Variants in FAM178B observed in about 807,000 individuals in gnomAD.
FAM178B encodes the protein family with sequence similarity 178 member B.
In FAM178B, 82 loss-of-function variants were observed where a neutral mutation model predicts 91.7. That is an observed-to-expected ratio of 0.89 (90% CI 0.75 to 1.07). The LOEUF (loss-of-function observed/expected upper bound fraction) is 1.07. Among genes scored for constraint, FAM178B ranks in the 50% least tolerant of loss-of-function variants. The pLI is 0.00. For synonymous variants in FAM178B, 368 were observed against 359.4 expected (o/e 1.02, Z -0.27); for missense variants, 769 against 846.7 (o/e 0.91, Z 1.14).
At chr2:96,933,597 C>A (rs895457823) in intron 8 of FAM178B, among the ~76,000 whole-genome samples, 2 of 152,244 alleles carry the variant, frequency 1.3e-5, no homozygotes, top group Non-Finnish European at 2.9e-5. Context: ...CTCCCTCGTG[C>A]CCTGAGTCCT....
At chr2:96,946,896 T>C (rs541511897) in intron 8 of FAM178B, among the ~76,000 whole-genome samples, 2 of 152,332 alleles carry the variant, frequency 1.3e-5, no homozygotes, top group Non-Finnish European at 2.9e-5. Context: ...CGGAGGAGTC[T>C]GGAATGCTCT....
At chr2:96,979,144 T>G (rs1202414457) in intron 1 of FAM178B, among the ~76,000 whole-genome samples, 1 of 150,750 alleles carries the variant, frequency 6.6e-6, no homozygotes, top group African/African-American at 2.4e-5. Context: ...GCCTGGCTAA[T>G]TTTTTGTATT....
intron 5 of FAM178B, 54 bp downstream of exon 5, chr2:96,967,466 T>A (rs904764601): frequency 8.8e-7 from 1 of 1,133,146 alleles, no homozygotes; most frequent in Non-Finnish European, 1.3e-6. Flanking sequence ...CCAGAGGGGG[T>A]TGGCACCTCA....
chr2:96,937,854 T>C (rs542134815), intron 8 of FAM178B, among the ~76,000 whole-genome samples: 2 of 152,152 alleles, frequency 1.3e-5, no homozygotes, highest in African/African-American at 2.4e-5. Context: ...AGTGAGACCC[T>C]ATCTCTACAA....
intron 12 of FAM178B, among the ~76,000 whole-genome samples, chr2:96,912,547 A>C (rs2081176478): frequency 6.6e-6 from 1 of 152,018 alleles, no homozygotes; most frequent in African/African-American, 2.4e-5. Flanking sequence ...GAAGAGCCCG[A>C]GAGGTCCCTG....
intron 12 of FAM178B, among the ~76,000 whole-genome samples, chr2:96,919,589 C>T (rs1332012085): frequency 6.6e-6 from 1 of 152,184 alleles, no homozygotes; most frequent in Non-Finnish European, 1.5e-5. Flanking sequence ...GCAGAAACCT[C>T]TAGGACTGTA....
chr2:96,937,253 T>C (rs1049973401), intron 8 of FAM178B, among the ~76,000 whole-genome samples: 7 of 135,048 alleles, frequency 5.2e-5, no homozygotes, highest in Non-Finnish European at 1.5e-5. Context: ...ACCTGTGCCC[T>C]ACCCCCCAGC....
intron 1 of FAM178B, chr2:96,977,807 C>T (rs757126158): frequency 6.1e-5 from 28 of 456,440 alleles, no homozygotes; most frequent in South Asian, 3.3e-4. Flanking sequence ...AAGTTTAGGA[C>T]GCATAATACC....
chr2:96,921,287 G>A (rs1234502163), intron 11 of FAM178B, 25 bp from the exon 12 acceptor site: 14 of 1,547,412 alleles, frequency 9.0e-6, no homozygotes, highest in Non-Finnish European at 1.0e-5. Context: ...CACCCCATGG[G>A]CTACAGGAGG....
intron 14 of FAM178B, among the ~76,000 whole-genome samples, chr2:96,888,286 A>C (rs918466340): frequency 1.3e-5 from 2 of 152,254 alleles, no homozygotes; most frequent in Non-Finnish European, 2.9e-5. Flanking sequence ...CTGTTCCTCA[A>C]AACCAGTCGG....
intron 1 of FAM178B, 116 bp downstream of exon 1, chr2:96,986,125 C>T (rs2082420051): frequency 4.1e-6 from 6 of 1,480,670 alleles, no homozygotes; most frequent in Non-Finnish European, 4.5e-6. Context: ...AGTAGCCCGG[C>T]GGCCGCACCG....
intron 9 of FAM178B, 40 bp downstream of exon 9, chr2:96,929,166 A>C (rs2081498754): frequency 2.2e-6 from 3 of 1,383,284 alleles, no homozygotes; most frequent in Non-Finnish European, 3.0e-6. Context: ...CTCTTAAAAA[A>C]TATGAAAGAA....
At chr2:96,968,495 G>T (rs965751232) in intron 4 of FAM178B, among the ~76,000 whole-genome samples, 2 of 152,048 alleles carry the variant, frequency 1.3e-5, no homozygotes, top group Non-Finnish European at 2.9e-5. Context: ...CCCTGGTTGG[G>T]CCCATGGGTC....
intron 12 of FAM178B, among the ~76,000 whole-genome samples, chr2:96,907,387 G>A (rs1279902050): frequency 6.6e-6 from 1 of 152,214 alleles, no homozygotes; most frequent in Non-Finnish European, 1.5e-5. Flanking sequence ...GAGGCTGGCT[G>A]TGGGCTCTCC....
intron 8 of FAM178B, among the ~76,000 whole-genome samples, chr2:96,943,843 G>T (rs983342013): frequency 2.0e-5 from 3 of 152,052 alleles, no homozygotes; most frequent in African/African-American, 7.2e-5. Context: ...CCGCCCAAAG[G>T]CTGCAGATCA....
chr2:96,931,858 T>G (rs2081545640), intron 8 of FAM178B, among the ~76,000 whole-genome samples: 1 of 148,716 alleles, frequency 6.7e-6, no homozygotes, highest in Admixed American at 6.7e-5. Context: ...GTTTGTTTGT[T>G]TTTTTTTTTT....
At chr2:96,938,567 G>T (rs895409368) in intron 8 of FAM178B, among the ~76,000 whole-genome samples, 1 of 152,234 alleles carries the variant, frequency 6.6e-6, no homozygotes, top group African/African-American at 2.4e-5. Flanking sequence ...ATCTGGAAAA[G>T]ATGCTGCTGT....
At chr2:96,925,967 T>C (rs988265868) in intron 9 of FAM178B, among the ~76,000 whole-genome samples, 1 of 152,128 alleles carries the variant, frequency 6.6e-6, no homozygotes, top group African/African-American at 2.4e-5. Flanking sequence ...TTAATTGTCA[T>C]GTATTTACCC....
intron 6 of FAM178B, 138 bp from the exon 7 acceptor site, chr2:96,951,622 T>C: frequency 1.5e-6 from 1 of 674,500 alleles, no homozygotes; most frequent in African/African-American, 1.8e-5. Flanking sequence ...AAATGTGCTT[T>C]TCAAGCCCTC....
Sources: gnomAD v4.1 joint callset for allele counts (sites outside exome capture counted in the v4.1 genomes callset) on GRCh38, gnomAD v4.1.1 for gene constraint, MANE v1.5 for transcripts, NCBI Gene and HGNC (gene_info 2026-07-23, HGNC 2026-07-21) for gene names.